ZNF600: variants seen among roughly 807,000 people sequenced by gnomAD.
ZNF600 encodes zinc finger protein KR-ZNF1.
Under a neutral mutation model 7.3 loss-of-function variants are expected in ZNF600, and 4 were observed. That is an observed-to-expected ratio of 0.55 (90% CI 0.27 to 1.25). ZNF600 has a LOEUF of 1.25. Among genes scored for constraint, ZNF600 ranks in the 50% most tolerant of loss-of-function variants. The pLI is 0.12. For missense variants in ZNF600, 911 were observed against 922.1 expected (o/e 0.99, Z 0.16); for synonymous variants, 290 against 308.9 (o/e 0.94, Z 0.64).
the ZNF600 span, among the ~76,000 whole-genome samples, chr19:52,823,068 T>C: frequency 1.3e-5 from 2 of 152,274 alleles, no homozygotes; most frequent in South Asian, 2.1e-4. Flanking sequence ...TGGTTATGGA[T>C]TGATACACTT....
At chr19:52,826,326 T>C in the ZNF600 span, among the ~76,000 whole-genome samples, 1 of 152,148 alleles carries the variant, frequency 6.6e-6, no homozygotes, top group Admixed American at 6.5e-5. Context: ...ATCCCAGCAT[T>C]TTGGGAGTCC....
At chr19:52,807,947 G>C in the ZNF600 span, 3 of 1,608,516 alleles carry the variant, frequency 1.9e-6, no homozygotes, top group Admixed American at 3.4e-5. Context: ...TGGCTCCCAA[G>C]AGGCAACAAG....
At chr19:52,798,679 A>C in the ZNF600 span, 1 of 440,340 alleles carries the variant, frequency 2.3e-6, no homozygotes, top group Non-Finnish European at 4.6e-6. Flanking sequence ...CACAATCATG[A>C]CATTTATAAG....
the ZNF600 span, among the ~76,000 whole-genome samples, chr19:52,817,655 C>A: frequency 2.0e-5 from 3 of 152,116 alleles, no homozygotes; most frequent in African/African-American, 7.2e-5. Flanking sequence ...CCTGAACAAA[C>A]CCTGCTGCCC....
the ZNF600 span, among the ~76,000 whole-genome samples, chr19:52,793,892 C>G: frequency 6.6e-6 from 1 of 151,896 alleles, no homozygotes; most frequent in Non-Finnish European, 1.5e-5. Flanking sequence ...ACAACATTTA[C>G]AAATAAAGGA....
intron 1 of ZNF600, among the ~76,000 whole-genome samples, chr19:52,786,227 G>A (rs2062762453): frequency 6.6e-6 from 1 of 152,138 alleles, no homozygotes; most frequent in Non-Finnish European, 1.5e-5. Flanking sequence ...TGGCTCAGGG[G>A]AAGCGAAGAC....
At chr19:52,793,547 G>A in the ZNF600 span, among the ~76,000 whole-genome samples, 1 of 152,316 alleles carries the variant, frequency 6.6e-6, no homozygotes, top group South Asian at 2.1e-4. Flanking sequence ...GCACAGGTAG[G>A]AGATGAGGTC....
chr19:52,823,692 C>T, the ZNF600 span, among the ~76,000 whole-genome samples: 2 of 152,120 alleles, frequency 1.3e-5, no homozygotes, highest in South Asian at 2.1e-4. Flanking sequence ...GTTTGCCTTA[C>T]AAGGATCGTT....
the ZNF600 span, among the ~76,000 whole-genome samples, chr19:52,816,839 A>ATAATAC: frequency 1.4e-5 from 2 of 141,678 alleles, no homozygotes; most frequent in African/African-American, 2.5e-5. Context: ...TCAGAAAATA[A>ATAATAC]TAATAATAAT....
intron 2 of ZNF600, among the ~76,000 whole-genome samples, chr19:52,778,246 T>A (rs1213774255): frequency 6.6e-6 from 1 of 151,934 alleles, no homozygotes; most frequent in Non-Finnish European, 1.5e-5. Flanking sequence ...ACTCTTGACC[T>A]CAAGTGGTCT....
At chr19:52,799,507 A>G in the ZNF600 span, 1 of 1,181,612 alleles carries the variant, frequency 8.5e-7, no homozygotes, top group Admixed American at 2.0e-5. Context: ...ACCTTGCCAC[A>G]TTCATTACAC....
the ZNF600 span, among the ~76,000 whole-genome samples, chr19:52,830,928 G>A: frequency 4.3e-5 from 6 of 141,150 alleles, 1 homozygote; most frequent in Non-Finnish European, 9.1e-5. Flanking sequence ...GAGGAAAGTG[G>A]AACTAATTTA....
the ZNF600 span, among the ~76,000 whole-genome samples, chr19:52,811,898 G>A: frequency 8.2e-6 from 1 of 121,904 alleles, no homozygotes; most frequent in Non-Finnish European, 1.7e-5. Flanking sequence ...GGGGGGGACA[G>A]CCCCCCGCCC....
intron 3 of ZNF600, among the ~76,000 whole-genome samples, chr19:52,771,033 A>C (rs1253896376): frequency 6.6e-6 from 1 of 152,070 alleles, no homozygotes; most frequent in Admixed American, 6.6e-5. Flanking sequence ...TGGTTTCTCC[A>C]TGTTGGTCAG....
At chr19:52,787,646 C>T (rs1165252627), upstream of ZNF600, among the ~76,000 whole-genome samples, 1 of 151,420 alleles carries the variant, frequency 6.6e-6, no homozygotes, top group African/African-American at 2.4e-5. Flanking sequence ...ATCATGAGGT[C>T]AGGAGATCGA....
the ZNF600 span, chr19:52,800,394 CT>C: frequency 6.2e-7 from 1 of 1,613,914 alleles, no homozygotes; most frequent in Non-Finnish European, 8.5e-7. Flanking sequence ...CCTCCTATGT[CT>C]TTCAAGGTGT....
the ZNF600 span, among the ~76,000 whole-genome samples, chr19:52,795,067 A>G: frequency 9.2e-5 from 14 of 152,302 alleles, 1 homozygote; most frequent in East Asian, 2.5e-3. Flanking sequence ...ATGAGATCTG[A>G]GCAAATGTTT....
At chr19:52,771,280 G>C (rs2062628146) in intron 3 of ZNF600, among the ~76,000 whole-genome samples, 1 of 152,030 alleles carries the variant, frequency 6.6e-6, no homozygotes, top group Non-Finnish European at 1.5e-5. Flanking sequence ...CTTGTTCTTG[G>C]ATTTCCCATT....
At chr19:52,807,694 TG>T in the ZNF600 span, among the ~76,000 whole-genome samples, 1 of 152,020 alleles carries the variant, frequency 6.6e-6, no homozygotes, top group Non-Finnish European at 1.5e-5. Context: ...ATGCTGGTTT[TG>T]AACTCCTCAC....
Sources: gnomAD v4.1 joint callset for allele counts (sites outside exome capture counted in the v4.1 genomes callset) on GRCh38, gnomAD v4.1.1 for gene constraint, MANE v1.5 for transcripts, NCBI Gene and HGNC (gene_info 2026-07-23, HGNC 2026-07-21) for gene names.